The following TSPEAR variants were observed in gnomAD, a reference collection of about 807,000 sequenced individuals.
TSPEAR encodes the protein thrombospondin-type laminin G domain and EAR repeat-containing protein.
TSPEAR carries 69 observed loss-of-function variants against 71.6 expected under a neutral mutation model. That is an observed-to-expected ratio of 0.96 (90% CI 0.79 to 1.18). The LOEUF (loss-of-function observed/expected upper bound fraction) is 1.18. TSPEAR is among the 50% of genes most tolerant of loss of function. The probability of loss-of-function intolerance (pLI) is 0.00; values close to 1 mark genes in which losing one functional copy is unlikely to be tolerated. For missense variants in TSPEAR, 971 were observed against 894.9 expected (o/e 1.09, Z -1.09); for synonymous variants, 402 against 387.2 (o/e 1.04, Z -0.45).
At chr21:44,676,797 TACAGAG>T (rs1555946937) in intron 1 of TSPEAR, 5 of 908,822 alleles carry the variant, frequency 5.5e-6, no homozygotes, top group Non-Finnish European at 9.3e-6. Context: ...CTTTTGCTAC[TACAGAG>T]TCAAATGCCC....
rs1406116392 is a variant in TSPEAR, at chr21:44,695,065, G to A, written c.82+16368C>T. ...CTGCTTGATGCAGACACTTGACCTC[G>A]GAGGTGTTTAACCCAGATGTCCCCA... On this transcript the variant is annotated intron_variant, in intron 1 of 11. Transcript: ENST00000323084. The surrounding 1 kb of genome is among the most constrained non-coding windows in gnomAD (Gnocchi z 4.5). Among the ~76,000 whole-genome samples the A allele has an allele frequency of 3.9e-5, 6 of 152,302 alleles. No homozygotes were observed. In the South Asian group the frequency reaches 8.3e-4, roughly 21 times the overall value.
chr21:44,639,204 C>G (rs1162367521), intron 1 of TSPEAR, among the ~76,000 whole-genome samples: 3 of 152,124 alleles, frequency 2.0e-5, no homozygotes, highest in Admixed American at 2.0e-4. Context: ...CCCCGCACCC[C>G]CAGCCTCCCA....
chr21:44,547,885 C>T (rs1318433451), intron 2 of TSPEAR, among the ~76,000 whole-genome samples: 1 of 152,166 alleles, frequency 6.6e-6, no homozygotes, highest in Non-Finnish European at 1.5e-5. Flanking sequence ...GAGAGCTTCT[C>T]AGGTCTTTTC....
chr21:44,682,248 C>T, intron 1 of TSPEAR: 2 of 1,110,564 alleles, frequency 1.8e-6, no homozygotes, highest in South Asian at 1.6e-5. Context: ...TGTTGTCTTC[C>T]TTGTTTTTCT....
At chr21:44,648,692 C>A (rs1330634326) in intron 1 of TSPEAR, among the ~76,000 whole-genome samples, 1 of 152,166 alleles carries the variant, frequency 6.6e-6, no homozygotes, top group African/African-American at 2.4e-5. Context: ...GCAGACGCAC[C>A]CAGGGCCGCA....
intron 1 of TSPEAR, among the ~76,000 whole-genome samples, chr21:44,661,190 C>T (rs927930690): frequency 2.1e-4 from 30 of 142,904 alleles, no homozygotes; most frequent in Non-Finnish European, 4.4e-4. Flanking sequence ...AGGAGAATGG[C>T]GTGAACCCCA....
chr21:44,624,087 C>T lies in TSPEAR; in HGVS notation c.83-56082G>A, dbSNP rs1454257300. On this transcript the variant is annotated intron_variant, in intron 1 of 11. Coordinates refer to ENST00000323084, the MANE Select transcript of TSPEAR (RefSeq NM_144991.3). ...AAGGGCATGCTTACTACTCCACTTT[C>T]TTCATTTCCCTCTTTTCTTTCCCAT... Among the ~76,000 whole-genome samples, 11 of 152,248 alleles carry T rather than the reference C, an allele frequency of 7.2e-5. No individual in the cohort carries two copies. In the East Asian group the frequency reaches 2.1e-3, roughly 29 times the overall value.
At chr21:44,560,170 C>CAA (rs1368315971) in intron 2 of TSPEAR, among the ~76,000 whole-genome samples, 4 of 151,962 alleles carry the variant, frequency 2.6e-5, no homozygotes, top group African/African-American at 9.7e-5. Context: ...GCAACGTAAG[C>CAA]AGGGGTTGCA....
At chr21:44,528,608 G>A in intron 5 of TSPEAR, 25 bp from the exon 6 acceptor site, 1 of 1,611,998 alleles carries the variant, frequency 6.2e-7, no homozygotes, top group Non-Finnish European at 8.5e-7. Context: ...AGGAAGATGA[G>A]TTTCCAGCAA....
chr21:44,576,501 C>T (rs1978464139), intron 1 of TSPEAR, among the ~76,000 whole-genome samples: 1 of 150,268 alleles, frequency 6.7e-6, no homozygotes, highest in South Asian at 2.1e-4. Flanking sequence ...ACATGGATGT[C>T]CCAGGGTGGG....
intron 1 of TSPEAR, among the ~76,000 whole-genome samples, chr21:44,704,294 G>A (rs549664194): frequency 6.6e-6 from 1 of 152,096 alleles, no homozygotes; most frequent in African/African-American, 2.4e-5. Flanking sequence ...AACACGGGGT[G>A]AGAGAAGCCA....
chr21:44,677,479 T>G, intron 1 of TSPEAR: 1 of 830,366 alleles, frequency 1.2e-6, no homozygotes, highest in South Asian at 1.4e-5. Flanking sequence ...GACTCAGTTT[T>G]AACTTGTTCT....
In TSPEAR at chr21:44,687,638, T is replaced by C. The variant is rs1017315229; in HGVS notation, c.82+23795A>G. On this transcript the variant is annotated intron_variant, in intron 1 of 11. Transcript: ENST00000323084. The surrounding 1 kb of genome is among the most constrained non-coding windows in gnomAD (Gnocchi z 4.4). ...GCCATCTCTGGGGGATTGGGTGAAA[T>C]TGACTGGGGAAGGCAGAAGAGTTCT... is the stretch of plus-strand genomic sequence containing the variant. Among the ~76,000 whole-genome samples, 4 of 151,890 alleles carry C rather than the reference T, an allele frequency of 2.6e-5. No homozygotes were observed. Among genetic ancestry groups the C allele is most frequent in the Admixed American group, 2.0e-4 (3 of 15,254 alleles).
Position 44,533,725 on chromosome 21 carries a change from C to T in TSPEAR, c.502G>A (p.Val168Ile), listed in dbSNP as rs370848096. The T allele has an allele frequency of 2.7e-5, 43 of 1,611,758 alleles. No individual in the cohort carries two copies. Among genetic ancestry groups the T allele is most frequent in the Admixed American group, 2.5e-4 (15 of 59,982 alleles). The change falls in exon 3 of 12, where the codon GTC (valine) becomes ATC (isoleucine). Residue 168 changes from valine to isoleucine, a missense_variant. Val to Ile is a conservative substitution (Grantham distance 29). Transcript: ENST00000323084. ...HTLVLAVSAG[V>I]FSLTTDCGLP... ...CCGCAGTCCGTGGTGAGGGAGAAGA[C>T]GCCTGCGGACACAGCCAGGACCAGT...
At chr21:44,608,167 G>A (rs1235818573) in intron 1 of TSPEAR, among the ~76,000 whole-genome samples, 1 of 152,164 alleles carries the variant, frequency 6.6e-6, no homozygotes, top group African/African-American at 2.4e-5. Flanking sequence ...CAAAACTCAT[G>A]AAAAGGTAAC....
At chr21:44,528,393 AGTCACACTGTGCCAGAGTG>A in intron 6 of TSPEAR, 40 bp downstream of exon 6, 1 of 1,607,620 alleles carries the variant, frequency 6.2e-7, no homozygotes, top group Non-Finnish European at 8.5e-7. Context: ...CTCCACTCCC[AGTCACACTGTGCCAGAGTG>A]GCCCTGCATG....
chr21:44,696,821 G>C (rs1438260885), intron 1 of TSPEAR, among the ~76,000 whole-genome samples: 1 of 152,158 alleles, frequency 6.6e-6, no homozygotes. Flanking sequence ...CCACGGTCCC[G>C]CTCAGTTCTG....
intron 11 of TSPEAR, among the ~76,000 whole-genome samples, chr21:44,501,315 G>A (rs1353408875): frequency 3.3e-5 from 5 of 151,960 alleles, no homozygotes; most frequent in African/African-American, 1.2e-4. Flanking sequence ...CCAGGCATGG[G>A]CTAGGCGCAG....
rs587666529 is a variant in TSPEAR, at chr21:44,628,219, C to A, written c.83-60214G>T. On this transcript the variant is annotated intron_variant, in intron 1 of 11. Coordinates refer to ENST00000323084, the MANE Select transcript of TSPEAR (RefSeq NM_144991.3). ...TCACTGGCTCCTCCCTGACCTCCCC[C>A]CCGGGCAGGCGAGCCCTGGCTTCTC... The A allele has an allele frequency of 6.1e-4, 462 of 761,210 alleles. 8 individuals are homozygous for A. In the South Asian group the frequency reaches 7.3e-3, roughly 12 times the overall value. The allele number at this position is 761,210 out of a possible 1,614,324, so 47.2% of individuals were successfully genotyped here. A position where few individuals can be genotyped will look rare whatever the true frequency, so the allele number is the denominator to read the frequency against.
Sources: allele counts gnomAD v4.1 joint callset (sites outside exome capture counted in the v4.1 genomes callset), GRCh38; gene constraint gnomAD v4.1.1; non-coding constraint Gnocchi (gnomAD v3.1); transcripts MANE v1.5; gene names NCBI Gene and HGNC (gene_info 2026-07-23, HGNC 2026-07-21).